The following CENPP variants were observed in gnomAD, a reference collection of about 807,000 sequenced individuals.
The protein encoded by CENPP is centromere protein P.
Under a neutral mutation model 35.6 loss-of-function variants are expected in CENPP, and 24 were observed. The observed-to-expected ratio is 0.67, with a 90% CI of 0.49 to 0.95. CENPP has a LOEUF of 0.95. Ranked by LOEUF, CENPP falls within the 40% of genes least tolerant of loss-of-function variation. The pLI is 0.00. For missense variants in CENPP, 332 were observed against 345.3 expected, an observed-to-expected ratio of 0.96 and a Z score of 0.31; for synonymous variants, 120 against 125.5, an observed-to-expected ratio of 0.96 and a Z score of 0.29.
chr9:92,398,025 C>A (rs186696632), intron 5 of CENPP, among the ~76,000 whole-genome samples: 11 of 152,060 alleles, frequency 7.2e-5, no homozygotes, highest in Admixed American at 1.3e-4. Context: ...TCTGACAGTG[C>A]GGAACCTGGC....
chr9:92,398,543 TG>T (rs1457025749), intron 5 of CENPP, among the ~76,000 whole-genome samples: 3 of 152,140 alleles, frequency 2.0e-5, no homozygotes, highest in African/African-American at 7.2e-5. Flanking sequence ...TTTTGCACTT[TG>T]TTTTTTTTTT....
At chr9:92,528,563 C>A (rs1000611599) in intron 5 of CENPP, among the ~76,000 whole-genome samples, 5 of 145,432 alleles carry the variant, frequency 3.4e-5, no homozygotes, top group Non-Finnish European at 6.0e-5. Context: ...CAAAACAAAA[C>A]AAAAAAAACA....
intron 5 of CENPP, among the ~76,000 whole-genome samples, chr9:92,538,831 A>C (rs1311572026): frequency 1.3e-5 from 2 of 152,222 alleles, no homozygotes; most frequent in African/African-American, 2.4e-5. Flanking sequence ...CCCGTGCCAC[A>C]GGGCCATCTG....
At chr9:92,407,070 G>A (rs1171277963) in intron 5 of CENPP, among the ~76,000 whole-genome samples, 2 of 152,132 alleles carry the variant, frequency 1.3e-5, no homozygotes, top group Non-Finnish European at 2.9e-5. Flanking sequence ...TGTCTAGAAG[G>A]CTCCAGACTT....
chr9:92,551,478 C>T (rs527901332), intron 5 of CENPP, among the ~76,000 whole-genome samples: 4 of 152,194 alleles, frequency 2.6e-5, no homozygotes, highest in African/African-American at 4.8e-5. Flanking sequence ...TCTGGGACTA[C>T]GGGCACATAC....
chr9:92,457,692 T>C (rs1588143422), intron 5 of CENPP, among the ~76,000 whole-genome samples: 1 of 152,182 alleles, frequency 6.6e-6, no homozygotes, highest in African/African-American at 2.4e-5. Flanking sequence ...CACAAAAGTG[T>C]TGGGGAAGGA....
In CENPP at chr9:92,332,373, A is replaced by G. The variant is rs544067529; in HGVS notation, c.289+22A>G. ...AAGAGTAAGCATTTTTTTTAAATCT[A>G]GACATAGTATGGAAGCTTACCTTAT... On this transcript the variant is annotated intron_variant, in intron 2 of 7. Coordinates refer to ENST00000375587, the MANE Select transcript of CENPP (RefSeq NM_001012267.3). The G allele has an allele frequency of 1.6e-5, 24 of 1,513,918 alleles. No homozygotes were observed. In the South Asian group the frequency reaches 3.1e-4, roughly 19 times the overall value. 93.8% of individuals were successfully genotyped at this position (1,513,918 alleles called of 1,614,324 possible). A position where few individuals can be genotyped will look rare whatever the true frequency, so the allele number is the denominator to read the frequency against.
chr9:92,609,577 C>T (rs1021834415), intron 5 of CENPP, among the ~76,000 whole-genome samples: 1 of 152,232 alleles, frequency 6.6e-6, no homozygotes, highest in Non-Finnish European at 1.5e-5. Flanking sequence ...CCCCAGGCTT[C>T]TATATCAGTC....
intron 5 of CENPP, chr9:92,502,661 A>G: frequency 6.5e-7 from 1 of 1,538,980 alleles, no homozygotes; most frequent in Non-Finnish European, 8.9e-7. Context: ...TCCTATAATT[A>G]AGAGAGAAGA....
intron 4 of CENPP, among the ~76,000 whole-genome samples, chr9:92,377,201 T>C (rs1378086111): frequency 6.6e-6 from 1 of 152,144 alleles, no homozygotes; most frequent in Non-Finnish European, 1.5e-5. Flanking sequence ...AAAGAAATGA[T>C]TTGGGGGCTG....
chr9:92,432,126 A>G (rs768445318), intron 5 of CENPP, among the ~76,000 whole-genome samples: 2 of 152,102 alleles, frequency 1.3e-5, no homozygotes, highest in Non-Finnish European at 2.9e-5. Context: ...GGAGTTCGAG[A>G]CCAGCCTGAC....
chr9:92,541,408 C>T (rs1289950834), intron 5 of CENPP, among the ~76,000 whole-genome samples: 1 of 92,568 alleles, frequency 1.1e-5, no homozygotes, highest in East Asian at 2.6e-4. Context: ...CTGCCACCCC[C>T]CTTCCCCCTC....
At chr9:92,337,417 A>G in intron 2 of CENPP, 124 bp from the exon 3 acceptor site, 1 of 560,610 alleles carries the variant, frequency 1.8e-6, no homozygotes, top group Non-Finnish European at 3.2e-6. Context: ...TTTCAATGTA[A>G]TTGCTAATGC....
chr9:92,490,747 G>C (rs1287903695), intron 5 of CENPP, among the ~76,000 whole-genome samples: 2 of 152,184 alleles, frequency 1.3e-5, no homozygotes, highest in Non-Finnish European at 2.9e-5. Context: ...AGTATTACCA[G>C]TTGTCAAAGC....
chr9:92,546,841 T>C (rs1215846343), intron 5 of CENPP, among the ~76,000 whole-genome samples: 1 of 152,212 alleles, frequency 6.6e-6, no homozygotes, highest in African/African-American at 2.4e-5. Flanking sequence ...AAAATCTAAA[T>C]TGTCTATAAC....
intron 5 of CENPP, among the ~76,000 whole-genome samples, chr9:92,565,596 C>A (rs138243926): frequency 1.1e-3 from 169 of 152,288 alleles, no homozygotes; most frequent in African/African-American, 3.7e-3. Context: ...GATTTGTGCT[C>A]TGATTGCTAT....
intron 5 of CENPP, among the ~76,000 whole-genome samples, chr9:92,554,958 A>G (rs913321093): frequency 6.6e-6 from 1 of 151,852 alleles, no homozygotes; most frequent in African/African-American, 2.4e-5. Flanking sequence ...GTATTTTGTT[A>G]TGGATTTTAG....
intron 5 of CENPP, among the ~76,000 whole-genome samples, chr9:92,533,328 A>AAAAAAATATATATATATAT (rs1554683138): frequency 5.2e-5 from 2 of 38,332 alleles, no homozygotes; most frequent in Non-Finnish European, 8.5e-5. Flanking sequence ...AAAAAAAAAA[A>AAAAAAATATATATATATAT]ATATATATAT....
At chr9:92,428,885 T>C (rs1844034054) in intron 5 of CENPP, among the ~76,000 whole-genome samples, 1 of 152,192 alleles carries the variant, frequency 6.6e-6, no homozygotes, top group African/African-American at 2.4e-5. Context: ...GGCTTCTTTT[T>C]GACCCTCACA....
Sources: gnomAD v4.1 joint callset for allele counts (sites outside exome capture counted in the v4.1 genomes callset) on GRCh38, gnomAD v4.1.1 for gene constraint, MANE v1.5 for transcripts, NCBI Gene and HGNC (gene_info 2026-07-23, HGNC 2026-07-21) for gene names.